Variants in VPS13B observed in about 807,000 individuals in gnomAD.
The protein encoded by VPS13B is vacuolar protein sorting 13 homolog B, also known as intermembrane lipid transfer protein VPS13B.
Under a neutral mutation model 426.4 loss-of-function variants are expected in VPS13B, and 285 were observed. The ratio of observed to expected loss-of-function variants is 0.67; its 90% CI spans 0.61 to 0.74. VPS13B has a LOEUF of 0.74. Among genes scored for constraint, VPS13B ranks in the 30% least tolerant of loss-of-function variants. The probability of loss-of-function intolerance (pLI) is 0.00; values close to 1 mark genes in which losing one functional copy is unlikely to be tolerated. For synonymous variants in VPS13B, 1,676 were observed against 1,676.4 expected (o/e 1.00, Z 0.01); for missense variants, 4,537 against 4,782.6 (o/e 0.95, Z 1.51).
At chr8:99,051,210 G>A (rs915759551) in intron 3 of VPS13B, among the ~76,000 whole-genome samples, 3 of 152,150 alleles carry the variant, frequency 2.0e-5, no homozygotes, top group African/African-American at 7.2e-5. Flanking sequence ...TTTTGTATAA[G>A]GTGTAAGGAA....
chr8:99,310,558 G>T (rs1039354916), intron 19 of VPS13B, among the ~76,000 whole-genome samples: 2 of 152,174 alleles, frequency 1.3e-5, no homozygotes, highest in African/African-American at 4.8e-5. Flanking sequence ...TGGTGTATAA[G>T]CTTTTTGATG....
chr8:99,582,887 C>T (rs943185335), intron 33 of VPS13B, among the ~76,000 whole-genome samples: 1 of 152,190 alleles, frequency 6.6e-6, no homozygotes, highest in Non-Finnish European at 1.5e-5. Flanking sequence ...GATCTCCTGA[C>T]CTGGTGATCC....
intron 35 of VPS13B, among the ~76,000 whole-genome samples, chr8:99,661,767 A>G (rs1185046536): frequency 6.6e-6 from 1 of 152,138 alleles, no homozygotes; most frequent in Non-Finnish European, 1.5e-5. Flanking sequence ...TACCTTTCCT[A>G]TTAATTAACT....
intron 21 of VPS13B, among the ~76,000 whole-genome samples, chr8:99,399,985 T>C (rs913701533): frequency 6.6e-6 from 1 of 152,218 alleles, no homozygotes; most frequent in Non-Finnish European, 1.5e-5. Context: ...GGTCCTTACA[T>C]CTTTGGCTCA....
intron 21 of VPS13B, among the ~76,000 whole-genome samples, chr8:99,412,440 A>T (rs570204339): frequency 2.2e-4 from 34 of 152,268 alleles, no homozygotes; most frequent in African/African-American, 7.5e-4. Context: ...GACTTTGTTG[A>T]AGTTGCTTAT....
At chr8:99,659,395 C>G (rs1450970184) in intron 34 of VPS13B, among the ~76,000 whole-genome samples, 2 of 151,942 alleles carry the variant, frequency 1.3e-5, no homozygotes, top group East Asian at 3.9e-4. Context: ...ACAATTTCAT[C>G]TTTTCTGTCA....
chr8:99,648,125 G>A (rs954771797), intron 34 of VPS13B, among the ~76,000 whole-genome samples: 1 of 152,112 alleles, frequency 6.6e-6, no homozygotes, highest in African/African-American at 2.4e-5. Flanking sequence ...GACATATTTT[G>A]GGAATATTCA....
In VPS13B at chr8:99,538,990, C is replaced by G. The variant is rs1355112343; in HGVS notation, c.4746-17460C>G. Among the ~76,000 whole-genome samples the G allele has an allele frequency of 2.0e-5, 3 of 152,086 alleles. No homozygotes were observed. In the East Asian group the frequency reaches 5.8e-4, roughly 29 times the overall value. ...AAGAACTCACAGAATTTTTTATGTC[C>G]TCAGTGTAGCAATGTAGTGCCTGCA... On this transcript the variant is annotated intron_variant, in intron 30 of 61. Coordinates refer to ENST00000357162, the MANE Select transcript of VPS13B (RefSeq NM_152564.5).
At chr8:99,418,511 CTTTCCTTT>C (rs1816185836) in intron 21 of VPS13B, among the ~76,000 whole-genome samples, 1 of 117,938 alleles carries the variant, frequency 8.5e-6, no homozygotes, top group Admixed American at 8.8e-5. Context: ...TTCTTTCTTT[CTTTCCTTT>C]CTTTCTTTCT....
At chr8:99,720,256 C>T in intron 37 of VPS13B, 89 bp from the exon 38 acceptor site, 1 of 1,040,482 alleles carries the variant, frequency 9.6e-7, no homozygotes, top group Non-Finnish European at 1.5e-6. Flanking sequence ...TAATTACAGT[C>T]CTACATTAAT....
chr8:99,237,869 TTA>T (rs1465970438), intron 17 of VPS13B, among the ~76,000 whole-genome samples: 3 of 49,970 alleles, frequency 6.0e-5, no homozygotes, highest in Non-Finnish European at 1.4e-4. Context: ...CAGGTTGGGG[TTA>T]TTTTTTTTTT....
chr8:99,431,848 A>C lies in VPS13B; in HGVS notation c.3210+184A>C, dbSNP rs3103704. Among the ~76,000 whole-genome samples, 25,805 of 152,092 alleles carry C rather than the reference A, an allele frequency of 0.17. 2,733 individuals are homozygous for C. The highest frequency in any genetic ancestry group is 0.38 in the East Asian group (1,955 of 5,158). On this transcript the variant is annotated intron_variant, in intron 22 of 61. Transcript: ENST00000357162. ...CTAAACATAATTTTATGAAACTCAT[A>C]TGAACTTCCTTATAGTTATAAAAAT...
At chr8:99,810,621 A>G (rs1488112012) in intron 44 of VPS13B, among the ~76,000 whole-genome samples, 2 of 152,244 alleles carry the variant, frequency 1.3e-5, no homozygotes, top group Non-Finnish European at 2.9e-5. Flanking sequence ...GACTCTTCCC[A>G]ATTAACTGAG....
intron 22 of VPS13B, among the ~76,000 whole-genome samples, chr8:99,436,319 T>A (rs1817372287): frequency 6.6e-6 from 1 of 152,238 alleles, no homozygotes; most frequent in South Asian, 2.1e-4. Context: ...TTTAGCTTCA[T>A]CACTAACAAA....
At chr8:99,503,563 G>A (rs907835503) in intron 27 of VPS13B, among the ~76,000 whole-genome samples, 9 of 152,024 alleles carry the variant, frequency 5.9e-5, no homozygotes, top group African/African-American at 2.2e-4. Context: ...ATGAGATTAT[G>A]GAATATTCTG....
chr8:99,156,914 T>A (rs1437972615), intron 15 of VPS13B, among the ~76,000 whole-genome samples, 171 bp downstream of exon 15: 1 of 152,178 alleles, frequency 6.6e-6, no homozygotes, highest in Non-Finnish European at 1.5e-5. Flanking sequence ...GTAATAAAAA[T>A]ATACTTATTT....
At chr8:99,461,079 A>T (rs945900050) in intron 23 of VPS13B, among the ~76,000 whole-genome samples, 10 of 152,128 alleles carry the variant, frequency 6.6e-5, no homozygotes, top group African/African-American at 1.7e-4. Context: ...AGAGGATTTT[A>T]AAAAACCTCC....
intron 16 of VPS13B, among the ~76,000 whole-genome samples, chr8:99,182,664 T>C (rs1395163370): frequency 6.6e-6 from 1 of 152,130 alleles, no homozygotes; most frequent in Non-Finnish European, 1.5e-5. Flanking sequence ...TTATTCAGAG[T>C]AATGGTATCC....
In VPS13B at chr8:99,043,835, G is replaced by A. The variant is rs572575469; in HGVS notation, c.291+5269G>A. Among the ~76,000 whole-genome samples the A allele has an allele frequency of 3.9e-5, 6 of 152,164 alleles. No individual in the cohort carries two copies. The South Asian group carries it at 6.2e-4, about 16-fold the overall frequency. On this transcript the variant is annotated intron_variant, in intron 3 of 61. Transcript: ENST00000357162. ...TTTCAGCCAATCCCTTTATGGTTAT[G>A]TTGTGGAGTTTGCTGTTCCTTGAAG...
Sources: allele counts gnomAD v4.1 joint callset (sites outside exome capture counted in the v4.1 genomes callset), GRCh38; gene constraint gnomAD v4.1.1; transcripts MANE v1.5; gene names NCBI Gene and HGNC (gene_info 2026-07-23, HGNC 2026-07-21).